The following ZXDA variants were observed in gnomAD, a reference collection of about 807,000 sequenced individuals.
ZXDA encodes the protein zinc finger X-linked protein ZXDA.
A neutral mutation model predicts 10.1 loss-of-function variants in ZXDA; 5 were observed. The observed-to-expected ratio is 0.50, with a 90% CI of 0.26 to 1.04. The LOEUF is 1.04. Ranked by LOEUF, ZXDA falls within the 50% of genes least tolerant of loss-of-function variation. The pLI is 0.14. For synonymous variants in ZXDA, 266 were observed against 313.1 expected (o/e 0.85, Z 1.59); for missense variants, 501 against 672.4 (o/e 0.75, Z 2.82).
Position 57,909,182 on chromosome X carries a change from A to G in ZXDA, c.1239T>C (p.His413=), listed in dbSNP as rs376045157. The G allele has an allele frequency of 1.2e-5, 14 of 1,209,788 alleles. No individual in the cohort carries two copies. The highest frequency in any genetic ancestry group is 1.6e-5 in the Non-Finnish European group (14 of 895,156). The change falls in exon 1 of 1, where the codon CAT becomes CAC. Residue 413 remains histidine (H), a synonymous_variant. Transcript: ENST00000358697. The part of the protein sequence containing the change: ...VSALFSHNRA[H]FREQELFSCS... ...AGGAAAACAGTTCCTGTTCCCTGAAATGGGCGCGGTTATGGGAAAACAGAG... is the reference window on the plus strand; with the variant it reads ...AGGAAAACAGTTCCTGTTCCCTGAAGTGGGCGCGGTTATGGGAAAACAGAG...
rs756459471 is a variant in ZXDA at position 57,910,169 on chromosome X, G to A, written c.252C>T (p.Gly84=). 3 of 1,201,585 alleles carry A rather than the reference G, an allele frequency of 2.5e-6. No individual in the cohort carries two copies. The highest frequency in any genetic ancestry group is 3.5e-5 in the South Asian group (2 of 56,583). The part of the protein sequence containing the change: ...FAPRPHQPSG[G]GDDFFLVLLD... ...GCAGCACCAGGAAGAAGTCGTCGCC[G>A]CCGCCGCTAGGTTGATGGGGCCTCG... is the stretch of plus-strand genomic sequence containing the variant. Residue 84 remains glycine, a synonymous_variant, in exon 1 of 1, where the codon GGC becomes GGT. Transcript: ENST00000358697.
At position 57,906,073 on chromosome X, in the gene ZXDA, T is replaced by G. The variant is rs2014360809; in HGVS notation, c.*1948A>C. Among the ~76,000 whole-genome samples, 1 of 112,330 alleles carries G rather than the reference T, an allele frequency of 8.9e-6. No homozygotes were observed. The highest frequency in any genetic ancestry group is 9.4e-5 in the Admixed American group (1 of 10,633). On this transcript the variant is annotated 3_prime_UTR_variant, in exon 1 of 1. Coordinates refer to ENST00000358697, the MANE Select transcript of ZXDA (RefSeq NM_007156.5). ...TGAATTACAAATTTATGTGTATTTT[T>G]TGCTTTTTCATTGAATAAGTACAAC...
At position 57,909,658 on chromosome X, in the gene ZXDA, G is replaced by C. The variant is rs758033672; in HGVS notation, c.763C>G (p.Arg255Gly). Residue 255 changes from arginine to glycine, a missense_variant, in exon 1 of 1, where the codon CGC becomes GGC. Arg to Gly is a moderately radical substitution (Grantham distance 125). Around this residue, in one of 5 missense-constraint regions of ZXDA, gnomAD observed 251 missense variants for 221.6 expected, o/e 1.13. Coordinates refer to ENST00000358697, the MANE Select transcript of ZXDA (RefSeq NM_007156.5). ...AEGLAAALGPRGLLGSGPGVV... is the reference protein window; with the variant it reads ...AEGLAAALGPGGLLGSGPGVV... ...CCTGGACCAGAGCCCAGCAGTCCGC[G>C]GGGGCCCAGGGCGGCGGCCAGGCCC... The C allele has an allele frequency of 7.6e-6, 9 of 1,184,458 alleles. No homozygotes were observed. In the East Asian group the frequency reaches 1.5e-4, roughly 20 times the overall value.
chrX:57,905,549 AG>A lies in ZXDA; in HGVS notation c.*2471del, dbSNP rs2014355245. On this transcript the variant is annotated 3_prime_UTR_variant, in exon 1 of 1. Transcript: ENST00000358697. Reference sequence around the variant, plus strand: ...ATCATGTTCCATTGTTTAAACAAAAAGGCAAGCTTATGCCAACACTAACAGA... The same window carrying A: ...ATCATGTTCCATTGTTTAAACAAAAAGCAAGCTTATGCCAACACTAACAGA... Among the ~76,000 whole-genome samples, 1 of 112,142 alleles carries A rather than the reference AG, an allele frequency of 8.9e-6. No individual in the cohort carries two copies. The highest frequency in any genetic ancestry group is 3.2e-5 in the African/African-American group (1 of 30,846).
rs1042002065 is a variant in ZXDA, at chrX:57,910,160, G to T, written c.261C>A (p.Asp87Glu). 1.7e-5 allele frequency: 21 copies of T among 1,200,243 alleles called. No individual in the cohort carries two copies. In the Admixed American group the frequency reaches 3.3e-4, roughly 19 times the overall value. Residue 87 changes from aspartate (D) to glutamate (E), a missense_variant, in exon 1 of 1, where the codon GAC becomes GAA. Physicochemically the swap from Asp to Glu is conservative, Grantham distance 45. This residue lies in a region of ZXDA where 251 missense variants were observed against 221.6 expected (regional missense o/e 1.13). Coordinates refer to ENST00000358697, the MANE Select transcript of ZXDA (RefSeq NM_007156.5). ...RPHQPSGGGD[D>E]FFLVLLDPVG... Reference sequence around the variant, plus strand: ...CCGGGTCAAGCAGCACCAGGAAGAAGTCGTCGCCGCCGCCGCTAGGTTGAT... The same window carrying T: ...CCGGGTCAAGCAGCACCAGGAAGAATTCGTCGCCGCCGCCGCTAGGTTGAT...
Position 57,908,088 on chromosome X carries a change from G to A in ZXDA, c.2333C>T (p.Ala778Val). The change falls in exon 1 of 1, where the codon GCA (alanine) becomes GTA (valine). Residue 778 changes from alanine to valine, a missense_variant. Coordinates refer to ENST00000358697, the MANE Select transcript of ZXDA (RefSeq NM_007156.5). ...GETQFGFPNAAGNHGSQKERN... is the reference protein window; with the variant it reads ...GETQFGFPNAVGNHGSQKERN... ...TTCTTTCTGAGAACCATGGTTTCCTGCTGCATTGGGGAATCCAAACTGGGT... is the reference window on the plus strand; with the variant it reads ...TTCTTTCTGAGAACCATGGTTTCCTACTGCATTGGGGAATCCAAACTGGGT... 1 of 1,211,742 alleles carries A rather than the reference G, an allele frequency of 8.3e-7. No individual in the cohort carries two copies. Among genetic ancestry groups the A allele is most frequent in the Non-Finnish European group, 1.1e-6 (1 of 895,457 alleles).
Position 57,910,019 on chromosome X carries a change from G to GGT in ZXDA, c.401_402insAC (p.Cys135ProfsTer71). On this transcript the variant is annotated frameshift_variant, in exon 1 of 1. Coordinates refer to ENST00000358697, the MANE Select transcript of ZXDA (RefSeq NM_007156.5). LOFTEE classifies it low-confidence loss of function (END_TRUNC). ...GGCAGTGGGGGCCCTGCGCAGAGCAGCCCGCGGGGTTCGCGCCGCTCTCGT... is the reference window on the plus strand; with the variant it reads ...GGCAGTGGGGGCCCTGCGCAGAGCAGGTCCCGCGGGGTTCGCGCCGCTCTCGT... The GGT allele has an allele frequency of 2.1e-6, 2 of 936,414 alleles. No homozygotes were observed. The highest frequency in any genetic ancestry group is 2.8e-6 in the Non-Finnish European group (2 of 711,173). The allele number at this position is 936,414 out of a possible 1,213,427, so 77.2% of individuals were successfully genotyped here. A position where few individuals can be genotyped will look rare whatever the true frequency, so the allele number is the denominator to read the frequency against.
chrX:57,909,670 C>G lies in ZXDA; in HGVS notation c.751G>C (p.Ala251Pro). 1 of 1,180,428 alleles carries G rather than the reference C, an allele frequency of 8.5e-7. No homozygotes were observed. Among genetic ancestry groups the G allele is most frequent in the Non-Finnish European group, 1.1e-6 (1 of 880,145 alleles). ...PQEEAEGLAA[A>P]LGPRGLLGSG... ...CCCAGCAGTCCGCGGGGGCCCAGGG[C>G]GGCGGCCAGGCCCTCCGCCTCCTCC... The change falls in exon 1 of 1, where the codon GCC (alanine) becomes CCC (proline). Residue 251 changes from alanine (A) to proline (P), a missense_variant. This residue lies in a region of ZXDA where 251 missense variants were observed against 221.6 expected (regional missense o/e 1.13). Coordinates refer to ENST00000358697, the MANE Select transcript of ZXDA (RefSeq NM_007156.5).
At position 57,905,572 on chromosome X, in the gene ZXDA, C is replaced by A. The variant is rs1368600020; in HGVS notation, c.*2449G>T. Among the ~76,000 whole-genome samples the A allele has an allele frequency of 8.9e-6, 1 of 112,033 alleles. No individual in the cohort carries two copies. The highest frequency in any genetic ancestry group is 9.4e-5 in the Admixed American group (1 of 10,607). On this transcript the variant is annotated 3_prime_UTR_variant, in exon 1 of 1. Coordinates refer to ENST00000358697, the MANE Select transcript of ZXDA (RefSeq NM_007156.5). ...AAAGGCAAGCTTATGCCAACACTAA[C>A]AGAAACACTAATATGTTTACAGTCA... is the stretch of plus-strand genomic sequence containing the variant.
rs750146018 is a variant in ZXDA at position 57,909,886 on chromosome X, C to G, written c.535G>C (p.Gly179Arg). The change falls in exon 1 of 1, where the codon GGC (glycine) becomes CGC (arginine). Residue 179 changes from glycine (G) to arginine (R), a missense_variant. Physicochemically the swap from Gly to Arg is moderately radical, Grantham distance 125 (BLOSUM62 -2). Coordinates refer to ENST00000358697, the MANE Select transcript of ZXDA (RefSeq NM_007156.5). ...NQDLLLRFENGVLTLATPPPH... is the reference protein window; with the variant it reads ...NQDLLLRFENRVLTLATPPPH... ...GGGGGCGTGGCCAGGGTGAGGACGC[C>G]GTTCTCAAAGCGCAACAGCAGGTCC... The G allele has an allele frequency of 2.3e-5, 27 of 1,199,306 alleles. No individual in the cohort carries two copies. Among genetic ancestry groups the G allele is most frequent in the Non-Finnish European group, 3.0e-5 (27 of 891,582 alleles).
rs940831462 is a variant in ZXDA, at chrX:57,906,391, A to G, written c.*1630T>C. Among the ~76,000 whole-genome samples, 4 of 112,295 alleles carry G rather than the reference A, an allele frequency of 3.6e-5. No homozygotes were observed. The highest frequency in any genetic ancestry group is 7.5e-5 in the Non-Finnish European group (4 of 53,252). ...AAATTACTTCTCAATGTACACACAT[A>G]CTTGCAGTAATACTGTGACTGAAAA... On this transcript the variant is annotated 3_prime_UTR_variant, in exon 1 of 1. Transcript: ENST00000358697.
In ZXDA at chrX:57,908,851, G is replaced by T. The variant is rs770190043; in HGVS notation, c.1570C>A (p.Arg524Ser). The change falls in exon 1 of 1, where the codon CGC (arginine) becomes AGC (serine). Residue 524 changes from arginine (R) to serine (S), a missense_variant. This residue lies in a region of ZXDA where 171 missense variants were observed against 262.7 expected (regional missense o/e 0.65). Coordinates refer to ENST00000358697, the MANE Select transcript of ZXDA (RefSeq NM_007156.5). Reference sequence around the variant, plus strand: ...TTGGAGTGAATGTAGAGGCTACTGCGAGCAGAGAACCTGGCACAGCAGCCT... The same window carrying T: ...TTGGAGTGAATGTAGAGGCTACTGCTAGCAGAGAACCTGGCACAGCAGCCT... ...VAGCCARFSARSSLYIHSKKH... is the reference protein window; with the variant it reads ...VAGCCARFSASSSLYIHSKKH... The T allele has an allele frequency of 3.3e-6, 4 of 1,207,344 alleles. No individual in the cohort carries two copies. The highest frequency in any genetic ancestry group is 4.5e-6 in the Non-Finnish European group (4 of 894,400).
rs2014355121 is a variant in ZXDA, at chrX:57,905,528, T to C, written c.*2493A>G. Among the ~76,000 whole-genome samples the C allele has an allele frequency of 8.9e-6, 1 of 112,076 alleles. No homozygotes were observed. The highest frequency in any genetic ancestry group is 3.2e-5 in the African/African-American group (1 of 30,863). On this transcript the variant is annotated 3_prime_UTR_variant, in exon 1 of 1. Coordinates refer to ENST00000358697, the MANE Select transcript of ZXDA (RefSeq NM_007156.5). Reference sequence around the variant, plus strand: ...AGGCAAATGAGATAAAATTAAATCATGTTCCATTGTTTAAACAAAAAGGCA... The same window carrying C: ...AGGCAAATGAGATAAAATTAAATCACGTTCCATTGTTTAAACAAAAAGGCA...
rs2014366796 is a variant in ZXDA, at chrX:57,906,762, T to A, written c.*1259A>T. On this transcript the variant is annotated 3_prime_UTR_variant, in exon 1 of 1. Transcript: ENST00000358697. ...ATGAATTGTAGATCTGACTTTGCCA[T>A]AATTACCTCACAGGATTGTGAGGAT... is the stretch of plus-strand genomic sequence containing the variant. 1 of 111,173 alleles carries A rather than the reference T, an allele frequency of 9.0e-6. No individual in the cohort carries two copies. Among genetic ancestry groups the A allele is most frequent in the East Asian group, 2.8e-4 (1 of 3,571 alleles). 9.2% of individuals were successfully genotyped at this position (111,173 alleles called of 1,213,427 possible).
At position 57,907,062 on chromosome X, in the gene ZXDA, C is replaced by G. The variant is rs1428696757; in HGVS notation, c.*959G>C. ...TCTAATGGACATGTGGCCAATGCCA[C>G]AAAAGAACTGTGTGTAGAAAAATCC... On this transcript the variant is annotated 3_prime_UTR_variant, in exon 1 of 1. Transcript: ENST00000358697. The G allele has an allele frequency of 8.9e-6, 1 of 112,802 alleles. No homozygotes were observed. The highest frequency in any genetic ancestry group is 9.3e-5 in the Admixed American group (1 of 10,716). The allele number at this position is 112,802 out of a possible 1,213,427, so 9.3% of individuals were successfully genotyped here.
At position 57,909,274 on chromosome X, in the gene ZXDA, A is replaced by G; in HGVS notation, c.1147T>C (p.Phe383Leu). 8.3e-7 allele frequency: 1 copy of G among 1,212,083 alleles called. No individual in the cohort carries two copies. The highest frequency in any genetic ancestry group is 1.1e-6 in the Non-Finnish European group (1 of 895,583). The change falls in exon 1 of 1, where the codon TTC (phenylalanine) becomes CTC (leucine). Residue 383 changes from phenylalanine (F) to leucine (L), a missense_variant. Physicochemically the swap from Phe to Leu is conservative, Grantham distance 22. Around this residue, in one of 5 missense-constraint regions of ZXDA, gnomAD observed 171 missense variants for 262.7 expected, o/e 0.65. Coordinates refer to ENST00000358697, the MANE Select transcript of ZXDA (RefSeq NM_007156.5). ...CACTGGTAAGGCCTCTCGGGTTCGA[A>G]GTGGCTGCGCTGGTGGGCGCCGAGT... ...AKLGAHQRSH[F>L]EPERPYQCAF...
At position 57,908,214 on chromosome X, in the gene ZXDA, G is replaced by A. The variant is rs992148941; in HGVS notation, c.2207C>T (p.Ser736Leu). 5.0e-6 allele frequency: 6 copies of A among 1,211,652 alleles called. No homozygotes were observed. The highest frequency in any genetic ancestry group is 2.2e-5 in the Admixed American group (1 of 46,034). The change falls in exon 1 of 1, where the codon TCG (serine) becomes TTG (leucine). Residue 736 changes from serine to leucine, a missense_variant. Ser to Leu is a moderately radical substitution (Grantham distance 145). Coordinates refer to ENST00000358697, the MANE Select transcript of ZXDA (RefSeq NM_007156.5). ...GACACTGTTTTCACAAAGGGTGCTCGAAGGAGTCAGAGTATCTGTGTCCAC... is the reference window on the plus strand; with the variant it reads ...GACACTGTTTTCACAAAGGGTGCTCAAAGGAGTCAGAGTATCTGTGTCCAC... ...LTVDTDTLTP[S>L]STLCENSVSE...
At position 57,909,802 on chromosome X, in the gene ZXDA, G is replaced by A. The variant is rs2014405079; in HGVS notation, c.619C>T (p.Pro207Ser). 8.3e-7 allele frequency: 1 copy of A among 1,202,979 alleles called. No individual in the cohort carries two copies. ...PAQQPRCLIA[P>S]QAGFPQAAHP... ...GCGGCTTGCGGGAACCCAGCTTGGGGGGCGATCAGACACCTGGGCTGCTGG... is the reference window on the plus strand; with the variant it reads ...GCGGCTTGCGGGAACCCAGCTTGGGAGGCGATCAGACACCTGGGCTGCTGG... The change falls in exon 1 of 1, where the codon CCC (proline) becomes TCC (serine). Residue 207 changes from proline to serine, a missense_variant. This residue lies in a region of ZXDA where 251 missense variants were observed against 221.6 expected (regional missense o/e 1.13). Coordinates refer to ENST00000358697, the MANE Select transcript of ZXDA (RefSeq NM_007156.5).
Position 57,909,423 on chromosome X carries a change from G to A in ZXDA, c.998C>T (p.Pro333Leu), listed in dbSNP as rs748909646. 2 of 1,212,027 alleles carry A rather than the reference G, an allele frequency of 1.7e-6. No individual in the cohort carries two copies. Among genetic ancestry groups the A allele is most frequent in the Non-Finnish European group, 1.1e-6 (1 of 895,586 alleles). Residue 333 changes from proline to leucine, a missense_variant, in exon 1 of 1, where the codon CCT (proline) becomes CTT (leucine). Physicochemically the swap from Pro to Leu is moderately conservative, Grantham distance 98. This residue lies in a region of ZXDA where 171 missense variants were observed against 262.7 expected (regional missense o/e 0.65). Transcript: ENST00000358697. ...SHDKLRPFGCPAEGCGKSFTT... is the reference protein window; with the variant it reads ...SHDKLRPFGCLAEGCGKSFTT... ...GAAGCTCTTGCCACAGCCCTCCGCAGGGCAGCCGAAGGGCCGCAGTTTATC... is the reference window on the plus strand; with the variant it reads ...GAAGCTCTTGCCACAGCCCTCCGCAAGGCAGCCGAAGGGCCGCAGTTTATC...
Sources: allele counts gnomAD v4.1 joint callset (sites outside exome capture counted in the v4.1 genomes callset), GRCh38; gene constraint gnomAD v4.1.1; regional missense constraint gnomAD v4.1.1; transcripts MANE v1.5; gene names NCBI Gene and HGNC (gene_info 2026-07-23, HGNC 2026-07-21).